Variants in DACH2 observed in about 807,000 individuals in gnomAD.
DACH2 encodes dachshund family transcription factor 2, also known as dachshund homolog 2.
In DACH2, 17 loss-of-function variants were observed where a neutral mutation model predicts 35.8. That is an observed-to-expected ratio of 0.48 (90% CI 0.33 to 0.71). DACH2 has a LOEUF of 0.71. DACH2 is among the 30% of genes least tolerant of loss of function. DACH2 has a pLI of 0.02. For synonymous variants in DACH2, 195 were observed against 177.3 expected (o/e 1.10, Z -0.79); for missense variants, 469 against 472.7 (o/e 0.99, Z 0.07).
chrX:86,497,720 G>A lies in DACH2; in HGVS notation c.528-16559G>A, dbSNP rs139226752. 4.6e-4 allele frequency among the ~76,000 whole-genome samples: 51 copies of A among 111,986 alleles called. No homozygotes were observed. In the South Asian group the frequency reaches 6.7e-3, roughly 15 times the overall value. The stretch of plus-strand genomic sequence containing the variant: ...TAGAAGTCAATTATACTGGCCAGGC[G>A]TGGTGGCTCATGTCTGTAATCTCAG... On this transcript the variant is annotated intron_variant, in intron 2 of 11. Coordinates refer to ENST00000373125, the MANE Select transcript of DACH2 (RefSeq NM_053281.3).
chrX:86,806,254 G>A (rs1449500368), intron 7 of DACH2, among the ~76,000 whole-genome samples: 1 of 110,801 alleles, frequency 9.0e-6, no homozygotes, highest in Non-Finnish European at 1.9e-5. Context: ...AATCATGGTA[G>A]AAGGCAAAGG....
intron 7 of DACH2, among the ~76,000 whole-genome samples, chrX:86,802,790 G>A (rs181293521): frequency 4.5e-5 from 5 of 111,053 alleles, no homozygotes; most frequent in South Asian, 3.8e-4. Flanking sequence ...CAAATGAGCC[G>A]GAGTGACAAA....
In DACH2 at chrX:86,148,490, C is replaced by A; in HGVS notation, c.-131C>A. 1 of 781,967 alleles carries A rather than the reference C, an allele frequency of 1.3e-6. No individual in the cohort carries two copies. Among genetic ancestry groups the A allele is most frequent in the Non-Finnish European group, 1.8e-6 (1 of 557,903 alleles). 64.4% of individuals were successfully genotyped at this position (781,967 alleles called of 1,213,427 possible). A position where few individuals can be genotyped will look rare whatever the true frequency, so the allele number is the denominator to read the frequency against. On this transcript the variant is annotated 5_prime_UTR_variant, in exon 1 of 12. Coordinates refer to ENST00000373125, the MANE Select transcript of DACH2 (RefSeq NM_053281.3). ...TTGAGCGTGAGCCGGCTGCTGAAGA[C>A]TTGCGAACAGTTCGGAGCCAGCGAG... is the stretch of plus-strand genomic sequence containing the variant.
At chrX:86,800,543 C>A (rs2042282029) in intron 7 of DACH2, among the ~76,000 whole-genome samples, 1 of 111,937 alleles carries the variant, frequency 8.9e-6, no homozygotes, top group Non-Finnish European at 1.9e-5. Context: ...TAGACAGCAT[C>A]TAAAACTAGG....
At chrX:86,486,878 G>A (rs1271944488) in intron 2 of DACH2, among the ~76,000 whole-genome samples, 2 of 111,482 alleles carry the variant, frequency 1.8e-5, no homozygotes, top group Non-Finnish European at 3.8e-5. Flanking sequence ...TATACTATGG[G>A]TTAATTTACC....
rs772104405 is a variant in DACH2, at chrX:86,530,499, T to TC, written c.640+16108_640+16109insC. ...CATGGTACTTCCTTTCTCTCTCTCT[T>TC]TCTCTCTCTTTCTCTCCTGCCATGT... On this transcript the variant is annotated intron_variant, in intron 3 of 11. Coordinates refer to ENST00000373125, the MANE Select transcript of DACH2 (RefSeq NM_053281.3). Among the ~76,000 whole-genome samples, 87 of 109,714 alleles carry TC rather than the reference T, an allele frequency of 7.9e-4. 1 individual carries two copies. In the East Asian group the frequency reaches 9.0e-3, roughly 11 times the overall value.
At chrX:86,216,233 A>C (rs1180391598) in intron 1 of DACH2, among the ~76,000 whole-genome samples, 2 of 111,933 alleles carry the variant, frequency 1.8e-5, no homozygotes, top group Non-Finnish European at 3.8e-5. Context: ...AATTACACTA[A>C]GTTCTAGGGT....
intron 2 of DACH2, among the ~76,000 whole-genome samples, chrX:86,394,393 T>C (rs1400982488): frequency 9.0e-6 from 1 of 111,673 alleles, no homozygotes; most frequent in African/African-American, 3.2e-5. Flanking sequence ...GCTCCTAGTA[T>C]TTTCAAAGAA....
chrX:86,192,236 T>C (rs1312139221), intron 1 of DACH2, among the ~76,000 whole-genome samples: 1 of 111,837 alleles, frequency 8.9e-6, no homozygotes, highest in Non-Finnish European at 1.9e-5. Flanking sequence ...GAAAATGGCA[T>C]TTTGTGCTTG....
At chrX:86,494,150 A>C (rs1263321318) in intron 2 of DACH2, among the ~76,000 whole-genome samples, 1 of 112,060 alleles carries the variant, frequency 8.9e-6, no homozygotes, top group Non-Finnish European at 1.9e-5. Context: ...CTATGATTGC[A>C]AGAGAGAAAA....
At chrX:86,479,795 A>G (rs1388400658) in intron 2 of DACH2, among the ~76,000 whole-genome samples, 1 of 112,438 alleles carries the variant, frequency 8.9e-6, no homozygotes, top group African/African-American at 3.2e-5. Context: ...CAATTGTATT[A>G]TTCAACTCCA....
chrX:86,778,872 G>A (rs2042062713), intron 7 of DACH2, among the ~76,000 whole-genome samples: 1 of 111,781 alleles, frequency 8.9e-6, no homozygotes, highest in Non-Finnish European at 1.9e-5. Flanking sequence ...GCCTCCCAAA[G>A]TGCTATTACA....
intron 3 of DACH2, among the ~76,000 whole-genome samples, chrX:86,586,891 T>C (rs1216382163): frequency 1.8e-5 from 2 of 111,907 alleles, no homozygotes; most frequent in Admixed American, 9.5e-5. Flanking sequence ...AGGGTTGCCT[T>C]GGCTATTAGG....
intron 1 of DACH2, among the ~76,000 whole-genome samples, chrX:86,357,333 T>A (rs769677048): frequency 2.7e-5 from 3 of 112,264 alleles, no homozygotes; most frequent in African/African-American, 9.7e-5. Flanking sequence ...TACATAGGAT[T>A]ACAAATATCT....
At chrX:86,446,267 G>T (rs942560054) in intron 2 of DACH2, among the ~76,000 whole-genome samples, 3 of 99,677 alleles carry the variant, frequency 3.0e-5, no homozygotes, top group African/African-American at 1.1e-4. Flanking sequence ...CTTGTAAGAA[G>T]CATATAGTTG....
At chrX:86,694,029 C>T (rs1478824670) in intron 4 of DACH2, among the ~76,000 whole-genome samples, 3 of 111,116 alleles carry the variant, frequency 2.7e-5, no homozygotes, top group Non-Finnish European at 5.7e-5. Context: ...TTACAGAGCT[C>T]CCAAGAGTCC....
chrX:86,154,677 A>G (rs745545879), intron 1 of DACH2, among the ~76,000 whole-genome samples: 3 of 111,445 alleles, frequency 2.7e-5, no homozygotes, highest in African/African-American at 9.8e-5. Flanking sequence ...GTGAGGCTGC[A>G]GATGTTGCCC....
chrX:86,430,288 A>G (rs2036964748), intron 2 of DACH2, among the ~76,000 whole-genome samples: 1 of 112,388 alleles, frequency 8.9e-6, no homozygotes, highest in Non-Finnish European at 1.9e-5. Flanking sequence ...GACAAAATTG[A>G]GATGTGCTGT....
intron 3 of DACH2, among the ~76,000 whole-genome samples, chrX:86,563,240 C>T (rs999478104): frequency 1.8e-5 from 2 of 109,714 alleles, no homozygotes; most frequent in Non-Finnish European, 3.8e-5. Context: ...GGAGTCAATG[C>T]CGTTGACCTA....
Sources: allele counts gnomAD v4.1 joint callset (sites outside exome capture counted in the v4.1 genomes callset), GRCh38; gene constraint gnomAD v4.1.1; transcripts MANE v1.5; gene names NCBI Gene and HGNC (gene_info 2026-07-23, HGNC 2026-07-21).